RHCE: variants seen among roughly 807,000 people sequenced by gnomAD.
RHCE encodes blood group Rh(CE) polypeptide.
Under a neutral mutation model 43.8 loss-of-function variants are expected in RHCE, and 22 were observed. The ratio of observed to expected loss-of-function variants is 0.50; its 90% CI spans 0.36 to 0.72. The LOEUF (loss-of-function observed/expected upper bound fraction) is 0.72, where lower values mean the gene tolerates loss of function less well. Among genes scored for constraint, RHCE ranks in the 30% least tolerant of loss-of-function variants. The pLI is 0.00. For missense variants in RHCE, 385 were observed against 525.4 expected (o/e 0.73, Z 2.61); for synonymous variants, 156 against 210.7 (o/e 0.74, Z 2.25).
intron 3 of RHCE, chr1:25,398,963 GGCT>G: frequency 8.9e-7 from 1 of 1,128,626 alleles, no homozygotes. Flanking sequence ...GTCTGCTTCC[GGCT>G]GCTTATTTGA....
intron 3 of RHCE, chr1:25,399,330 C>T: frequency 1.3e-6 from 1 of 757,566 alleles, no homozygotes; most frequent in Admixed American, 2.1e-5. Context: ...CTCTTAATCA[C>T]AAGATTATTT....
At chr1:25,376,932 A>G (rs1205618677) in intron 7 of RHCE, among the ~76,000 whole-genome samples, 1 of 151,942 alleles carries the variant, frequency 6.6e-6, no homozygotes, top group Non-Finnish European at 1.5e-5. Context: ...AAGAGAAAAG[A>G]AAAATAAATT....
At chr1:25,414,501 T>C (rs1304598984) in intron 1 of RHCE, among the ~76,000 whole-genome samples, 7 of 151,954 alleles carry the variant, frequency 4.6e-5, no homozygotes, top group South Asian at 2.1e-4. Flanking sequence ...TCCAGCAGCC[T>C]GGGAAGAAAA....
intron 7 of RHCE, among the ~76,000 whole-genome samples, chr1:25,382,229 T>C (rs596487): frequency 0.013 from 1,915 of 145,430 alleles, 119 homozygotes; most frequent in African/African-American, 0.051. Flanking sequence ...ATTAAGTTTC[T>C]AGCACATGAA....
chr1:25,388,898 T>C, intron 6 of RHCE, 78 bp downstream of exon 6: 1 of 1,610,452 alleles, frequency 6.2e-7, no homozygotes. Context: ...AGCTGTGCAC[T>C]GCACAGTGGC....
At chr1:25,388,945 A>G (rs1242405241) in intron 6 of RHCE, 31 bp downstream of exon 6, 1 of 1,614,230 alleles carries the variant, frequency 6.2e-7, no homozygotes, top group Non-Finnish European at 8.5e-7. Flanking sequence ...CTTCAGCCAA[A>G]GCAGAGAGCA....
In RHCE at chr1:25,392,117, G is replaced by A; in HGVS notation, c.511C>T (p.His171Tyr). ...FNTDYHMNLR[H>Y]FYVFAAYFGL... ...AAATAGGCTGCGAACACGTAGAAGTGCCTCAGGTTCATGTGGTAGTCTGTC... is the reference window on the plus strand; with the variant it reads ...AAATAGGCTGCGAACACGTAGAAGTACCTCAGGTTCATGTGGTAGTCTGTC... The change falls in exon 4 of 10, where the codon CAC (histidine) becomes TAC (tyrosine). Residue 171 changes from histidine to tyrosine, a missense_variant. Physicochemically the swap from His to Tyr is moderately conservative, Grantham distance 83. Coordinates refer to ENST00000294413, the MANE Select transcript of RHCE (RefSeq NM_020485.8). 2 of 1,614,174 alleles carry A rather than the reference G, an allele frequency of 1.2e-6. No homozygotes were observed. The highest frequency in any genetic ancestry group is 2.2e-5 in the South Asian group (2 of 91,086).
At chr1:25,382,667 T>C (rs1646035673) in intron 7 of RHCE, among the ~76,000 whole-genome samples, 1 of 152,114 alleles carries the variant, frequency 6.6e-6, no homozygotes, top group African/African-American at 2.4e-5. Context: ...GAGCTATTAA[T>C]GTCCCTATTT....
At chr1:25,371,158 A>T (rs1285670625) in intron 8 of RHCE, among the ~76,000 whole-genome samples, 1 of 150,454 alleles carries the variant, frequency 6.6e-6, no homozygotes, top group East Asian at 1.9e-4. Flanking sequence ...CCCCAGACGG[A>T]GTAGAAGGGC....
At chr1:25,401,391 G>C (rs1292580678) in intron 3 of RHCE, among the ~76,000 whole-genome samples, 2 of 152,158 alleles carry the variant, frequency 1.3e-5, no homozygotes, top group African/African-American at 4.8e-5. Context: ...TTCTAAGCCA[G>C]GCTGGAACTG....
chr1:25,423,909 C>G (rs76405098), upstream of RHCE, among the ~76,000 whole-genome samples: 74 of 152,296 alleles, frequency 4.9e-4, no homozygotes, highest in East Asian at 0.013. Context: ...CTGCTGTTCT[C>G]TCTGTCTGAA....
intron 5 of RHCE, among the ~76,000 whole-genome samples, chr1:25,390,444 G>A (rs993426437): frequency 3.9e-5 from 6 of 152,164 alleles, no homozygotes; most frequent in Admixed American, 2.0e-4. Flanking sequence ...GCTGACTCTC[G>A]CTCATGGTGA....
intron 3 of RHCE, among the ~76,000 whole-genome samples, chr1:25,393,342 C>T (rs1471425434): frequency 2.6e-4 from 39 of 152,098 alleles, no homozygotes; most frequent in Admixed American, 2.6e-3. Context: ...CAAGTCAGGC[C>T]GGGCGTGGTG....
intron 8 of RHCE, among the ~76,000 whole-genome samples, chr1:25,374,006 A>G (rs1364856840): frequency 6.6e-6 from 1 of 151,086 alleles, no homozygotes; most frequent in Non-Finnish European, 1.5e-5. Flanking sequence ...TTTCTGGCAG[A>G]GACAGGGTTT....
intron 1 of RHCE, among the ~76,000 whole-genome samples, chr1:25,418,969 A>G (rs1178800049): frequency 6.6e-6 from 1 of 152,196 alleles, no homozygotes; most frequent in African/African-American, 2.4e-5. Context: ...TTATATGACA[A>G]ATGACTCAAC....
At chr1:25,400,900 C>A (rs560585506) in intron 3 of RHCE, among the ~76,000 whole-genome samples, 3 of 152,288 alleles carry the variant, frequency 2.0e-5, no homozygotes, top group African/African-American at 7.2e-5. Flanking sequence ...CAAATCCTGT[C>A]AATTCTGCTA....
intron 7 of RHCE, among the ~76,000 whole-genome samples, chr1:25,378,503 G>T (rs1332410602): frequency 5.3e-5 from 8 of 152,268 alleles, no homozygotes; most frequent in Non-Finnish European, 1.0e-4. Flanking sequence ...TTAGATTCTC[G>T]ATTTGTCTAT....
At chr1:25,401,627 G>A (rs1031062758) in intron 3 of RHCE, among the ~76,000 whole-genome samples, 22 of 151,924 alleles carry the variant, frequency 1.4e-4, no homozygotes, top group South Asian at 4.1e-4. Context: ...GAGAGGACAT[G>A]TGCAGTTACT....
chr1:25,415,437 G>A (rs1442647996), intron 1 of RHCE, among the ~76,000 whole-genome samples: 1 of 152,244 alleles, frequency 6.6e-6, no homozygotes, highest in Admixed American at 6.5e-5. Context: ...TGGATCACCT[G>A]AGGTTGGGAG....
Sources: gnomAD v4.1 joint callset for allele counts (sites outside exome capture counted in the v4.1 genomes callset) on GRCh38, gnomAD v4.1.1 for gene constraint, MANE v1.5 for transcripts, NCBI Gene and HGNC (gene_info 2026-07-23, HGNC 2026-07-21) for gene names.